NDUFAF2: variants seen among roughly 807,000 people sequenced by gnomAD.
NDUFAF2 encodes the protein NADH:ubiquinone oxidoreductase complex assembly factor 2, also known as NADH dehydrogenase [ubiquinone] 1 alpha subcomplex assembly factor 2.
NDUFAF2 carries 13 observed loss-of-function variants against 22.8 expected under a neutral mutation model. That is an observed-to-expected ratio of 0.57 (90% confidence interval 0.37 to 0.91). The LOEUF (loss-of-function observed/expected upper bound fraction) is 0.91, where lower values mean the gene tolerates loss of function less well. Among genes scored for constraint, NDUFAF2 ranks in the 40% least tolerant of loss-of-function variants. The pLI, the probability that NDUFAF2 is intolerant of heterozygous loss-of-function variation, is 0.01. For missense variants in NDUFAF2, 162 were observed against 195.2 expected (o/e 0.83, Z 1.01); for synonymous variants, 53 against 64.2 (o/e 0.83, Z 0.84).
chr5:61,060,793 A>G (rs1752155595), intron 1 of NDUFAF2, among the ~76,000 whole-genome samples: 1 of 152,174 alleles, frequency 6.6e-6, no homozygotes, highest in Non-Finnish European at 1.5e-5. Context: ...ATCACCAAGA[A>G]TTATATATGC....
intron 1 of NDUFAF2, among the ~76,000 whole-genome samples, chr5:61,056,422 C>G (rs1371357083): frequency 6.6e-6 from 1 of 152,152 alleles, no homozygotes; most frequent in Non-Finnish European, 1.5e-5. Context: ...ATCAACTTTT[C>G]TTTTTCATGC....
intron 1 of NDUFAF2, among the ~76,000 whole-genome samples, chr5:61,060,816 GCTC>G (rs1561554053): frequency 6.6e-6 from 1 of 152,132 alleles, no homozygotes; most frequent in African/African-American, 2.4e-5. Context: ...GTGGGTTACA[GCTC>G]TATAGCCCTC....
intron 1 of NDUFAF2, among the ~76,000 whole-genome samples, chr5:60,960,398 G>A (rs561997350): frequency 1.8e-4 from 28 of 152,272 alleles, no homozygotes; most frequent in East Asian, 7.7e-4. Context: ...TCAATATCAC[G>A]TAGCTATGAA....
chr5:60,959,501 A>G (rs1014210606), intron 1 of NDUFAF2, among the ~76,000 whole-genome samples: 4 of 152,052 alleles, frequency 2.6e-5, no homozygotes, highest in Non-Finnish European at 4.4e-5. Flanking sequence ...AAGAATGGAT[A>G]AAAAAATTTT....
At chr5:61,138,035 C>G (rs1740989980) in intron 3 of NDUFAF2, among the ~76,000 whole-genome samples, 1 of 152,234 alleles carries the variant, frequency 6.6e-6, no homozygotes, top group African/African-American at 2.4e-5. Context: ...CAAGCTGTGG[C>G]ACATGCTAAA....
At position 61,098,929 on chromosome 5, in the gene NDUFAF2, A is replaced by G. The variant is rs1464815402; in HGVS notation, c.218-63A>G. On this transcript the variant is annotated intron_variant, in intron 2 of 3. Coordinates refer to ENST00000296597, the MANE Select transcript of NDUFAF2 (RefSeq NM_174889.5). Reference sequence around the variant, plus strand: ...GTAGGTACTCAAAAAAATTTGTTTTATGGATAAAAATGTTTGTGTAAATTA... The same window carrying G: ...GTAGGTACTCAAAAAAATTTGTTTTGTGGATAAAAATGTTTGTGTAAATTA... 5 of 1,421,370 alleles carry G rather than the reference A, an allele frequency of 3.5e-6. No homozygotes were observed. In the East Asian group the frequency reaches 6.9e-5, roughly 20 times the overall value. 88.0% of individuals were successfully genotyped at this position (1,421,370 alleles called of 1,614,324 possible). A position where few individuals can be genotyped will look rare whatever the true frequency, so the allele number is the denominator to read the frequency against.
intron 2 of NDUFAF2, among the ~76,000 whole-genome samples, chr5:61,075,893 C>T (rs1291374855): frequency 6.6e-6 from 1 of 152,124 alleles, no homozygotes; most frequent in Non-Finnish European, 1.5e-5. Flanking sequence ...AAACAATGTG[C>T]CCTTTTTCTT....
chr5:60,980,485 A>T (rs959153855), intron 1 of NDUFAF2, among the ~76,000 whole-genome samples: 1 of 152,172 alleles, frequency 6.6e-6, no homozygotes, highest in Non-Finnish European at 1.5e-5. Context: ...TAAAAAGATC[A>T]AGCAGGGCAG....
At chr5:60,984,788 C>T (rs1257828878) in intron 1 of NDUFAF2, among the ~76,000 whole-genome samples, 2 of 152,140 alleles carry the variant, frequency 1.3e-5, no homozygotes, top group East Asian at 1.9e-4. Flanking sequence ...CTGCTGGATT[C>T]GGTTTGCCAG....
At chr5:61,041,248 A>G (rs1291859309) in intron 1 of NDUFAF2, among the ~76,000 whole-genome samples, 1 of 152,194 alleles carries the variant, frequency 6.6e-6, no homozygotes, top group East Asian at 1.9e-4. Flanking sequence ...ATCAAGTAAT[A>G]TTCTTATCTC....
At chr5:61,002,032 A>C (rs990148580) in intron 1 of NDUFAF2, among the ~76,000 whole-genome samples, 2 of 152,120 alleles carry the variant, frequency 1.3e-5, no homozygotes, top group African/African-American at 4.8e-5. Context: ...AGCTGCCTAC[A>C]TGGATCAGCT....
chr5:60,973,535 C>T lies in NDUFAF2; in HGVS notation c.127+28153C>T, dbSNP rs1446069972. 2.6e-5 allele frequency among the ~76,000 whole-genome samples: 4 copies of T among 152,274 alleles called. No homozygotes were observed. The East Asian group carries it at 7.7e-4, about 29-fold the overall frequency. Reference sequence around the variant, plus strand: ...CTGAGGGAAATTCTATACTCAGAAGCACTTCTTGATGAATCTACCAGAAAG... The same window carrying T: ...CTGAGGGAAATTCTATACTCAGAAGTACTTCTTGATGAATCTACCAGAAAG... On this transcript the variant is annotated intron_variant, in intron 1 of 3. Transcript: ENST00000296597.
chr5:61,122,871 A>G (rs1000624479), intron 3 of NDUFAF2, among the ~76,000 whole-genome samples: 4 of 152,058 alleles, frequency 2.6e-5, no homozygotes, highest in Non-Finnish European at 5.9e-5. Context: ...AGCTCTACAG[A>G]ATATATTTTG....
intron 3 of NDUFAF2, among the ~76,000 whole-genome samples, chr5:61,132,697 T>C (rs1009100100): frequency 5.3e-5 from 8 of 152,170 alleles, no homozygotes; most frequent in African/African-American, 1.9e-4. Context: ...TTTCAACTGG[T>C]TTCATCAGCT....
intron 2 of NDUFAF2, among the ~76,000 whole-genome samples, chr5:61,094,435 C>T (rs1752609848): frequency 6.6e-6 from 1 of 152,184 alleles, no homozygotes; most frequent in African/African-American, 2.4e-5. Context: ...ACAACATGCT[C>T]CATTAGCTCA....
intron 1 of NDUFAF2, among the ~76,000 whole-genome samples, chr5:60,954,300 A>G (rs1750585994): frequency 6.6e-6 from 1 of 152,180 alleles, no homozygotes; most frequent in African/African-American, 2.4e-5. Flanking sequence ...TTGAACTCAT[A>G]GATATATAGA....
chr5:60,974,813 GTTTA>G (rs960450934), intron 1 of NDUFAF2, among the ~76,000 whole-genome samples: 61 of 151,890 alleles, frequency 4.0e-4, no homozygotes, highest in Non-Finnish European at 4.6e-4. Context: ...TTGTTTATTT[GTTTA>G]TTTATTTATT....
At chr5:61,045,826 C>T (rs1751947673) in intron 1 of NDUFAF2, among the ~76,000 whole-genome samples, 2 of 151,960 alleles carry the variant, frequency 1.3e-5, no homozygotes, top group Non-Finnish European at 2.9e-5. Context: ...TTCTTGTCTA[C>T]TTGTTCTTTC....
At chr5:61,113,166 A>T (rs2545476) in intron 3 of NDUFAF2, among the ~76,000 whole-genome samples, 6,615 of 152,250 alleles carry the variant, frequency 0.043, 173 homozygotes, top group South Asian at 0.08. Context: ...TCTCCTCATC[A>T]TATGAATAGT....
Sources: allele counts gnomAD v4.1 joint callset (sites outside exome capture counted in the v4.1 genomes callset), GRCh38; gene constraint gnomAD v4.1.1; transcripts MANE v1.5; gene names NCBI Gene and HGNC (gene_info 2026-07-23, HGNC 2026-07-21).